The following CPQ variants were observed in gnomAD, a reference collection of about 807,000 sequenced individuals.
The protein encoded by CPQ is Ser-Met dipeptidase.
CPQ carries 37 observed loss-of-function variants against 45.7 expected under a neutral mutation model. The ratio of observed to expected loss-of-function variants is 0.81; its 90% confidence interval spans 0.62 to 1.07. The LOEUF (loss-of-function observed/expected upper bound fraction) is 1.07. Among genes scored for constraint, CPQ ranks in the 50% least tolerant of loss-of-function variants. CPQ has a pLI of 0.00. For missense variants in CPQ, 537 were observed against 572.9 expected, an observed-to-expected ratio of 0.94 and a Z score of 0.64; for synonymous variants, 186 against 205.8, an observed-to-expected ratio of 0.90 and a Z score of 0.82.
At chr8:97,019,846 G>T (rs1398389602) in intron 5 of CPQ, among the ~76,000 whole-genome samples, 8 of 152,042 alleles carry the variant, frequency 5.3e-5, no homozygotes, top group Non-Finnish European at 1.2e-4. Context: ...AGAAACAATG[G>T]ATTTAAACTA....
chr8:96,746,365 T>G (rs1386550068), intron 1 of CPQ, among the ~76,000 whole-genome samples: 1 of 152,228 alleles, frequency 6.6e-6, no homozygotes, highest in African/African-American at 2.4e-5. Context: ...TGGTATTTAG[T>G]AAATAGCCAG....
chr8:96,778,683 C>A (rs1262789624), intron 1 of CPQ, among the ~76,000 whole-genome samples: 1 of 152,044 alleles, frequency 6.6e-6, no homozygotes. Context: ...TAGAATAACA[C>A]TCAGTTTCTG....
At chr8:97,030,576 G>T (rs1400733564) in intron 6 of CPQ, among the ~76,000 whole-genome samples, 1 of 152,080 alleles carries the variant, frequency 6.6e-6, no homozygotes, top group East Asian at 1.9e-4. Context: ...GTGTCCTTTG[G>T]TTGGTAGGTC....
At chr8:97,127,149 G>T (rs1461133731) in intron 7 of CPQ, among the ~76,000 whole-genome samples, 1 of 152,096 alleles carries the variant, frequency 6.6e-6, no homozygotes, top group African/African-American at 2.4e-5. Context: ...ACCATTTAAA[G>T]AAATTGATAA....
chr8:97,110,195 C>T (rs1362522253), intron 7 of CPQ, among the ~76,000 whole-genome samples: 1 of 152,108 alleles, frequency 6.6e-6, no homozygotes, highest in Non-Finnish European at 1.5e-5. Context: ...TTAGTTTTTC[C>T]TGTGCTTGAA....
chr8:96,940,277 A>G (rs532275957), intron 4 of CPQ, among the ~76,000 whole-genome samples: 2 of 152,316 alleles, frequency 1.3e-5, no homozygotes, highest in South Asian at 4.1e-4. Flanking sequence ...TATACAAATC[A>G]TGGTTCATAA....
chr8:96,790,966 G>A (rs1810838483), intron 2 of CPQ, among the ~76,000 whole-genome samples: 1 of 152,106 alleles, frequency 6.6e-6, no homozygotes, highest in Non-Finnish European at 1.5e-5. Flanking sequence ...AGGTATTAGG[G>A]AGCTCCTTAG....
intron 2 of CPQ, among the ~76,000 whole-genome samples, chr8:96,806,660 T>C (rs1317901383): frequency 1.3e-5 from 2 of 152,210 alleles, no homozygotes; most frequent in Non-Finnish European, 2.9e-5. Context: ...TATCATACAA[T>C]TTAAATGATA....
intron 1 of CPQ, among the ~76,000 whole-genome samples, chr8:96,672,837 T>TA (rs768547494): frequency 6.6e-6 from 1 of 152,130 alleles, no homozygotes; most frequent in South Asian, 2.1e-4. Flanking sequence ...GTTGTTTCTT[T>TA]AAAATTTTTT....
At chr8:96,976,800 A>T (rs1418873249) in intron 5 of CPQ, among the ~76,000 whole-genome samples, 1 of 152,202 alleles carries the variant, frequency 6.6e-6, no homozygotes, top group Non-Finnish European at 1.5e-5. Context: ...AGCCACATGT[A>T]GGAGAATGAA....
At chr8:96,866,829 G>A (rs1278980670) in intron 3 of CPQ, among the ~76,000 whole-genome samples, 2 of 152,098 alleles carry the variant, frequency 1.3e-5, no homozygotes, top group Non-Finnish European at 2.9e-5. Context: ...TGATGGATTT[G>A]GAATTATTGC....
At chr8:96,698,065 A>G (rs1162477109) in intron 1 of CPQ, among the ~76,000 whole-genome samples, 1 of 152,072 alleles carries the variant, frequency 6.6e-6, no homozygotes, top group Non-Finnish European at 1.5e-5. Flanking sequence ...GAACAAAAGG[A>G]AAAAAATGAG....
chr8:97,032,053 A>G (rs1809915434), intron 6 of CPQ, among the ~76,000 whole-genome samples: 1 of 152,150 alleles, frequency 6.6e-6, no homozygotes, highest in East Asian at 1.9e-4. Context: ...GGTAAATTAG[A>G]TTGTCTTTAG....
At chr8:97,010,083 G>T (rs1464148606) in intron 5 of CPQ, among the ~76,000 whole-genome samples, 2 of 152,220 alleles carry the variant, frequency 1.3e-5, no homozygotes, top group African/African-American at 4.8e-5. Context: ...CCTGTCCCCT[G>T]CTGTGATGAT....
At chr8:96,854,068 A>C (rs1055532072) in intron 3 of CPQ, among the ~76,000 whole-genome samples, 4 of 152,274 alleles carry the variant, frequency 2.6e-5, no homozygotes, top group Middle Eastern at 3.4e-3. Context: ...GGTTTTGTGG[A>C]CACATCACAT....
intron 1 of CPQ, among the ~76,000 whole-genome samples, chr8:96,758,645 C>T (rs1250693159): frequency 2.6e-5 from 4 of 152,132 alleles, no homozygotes; most frequent in Non-Finnish European, 5.9e-5. Context: ...TTAAGAAGTC[C>T]AACCATTAGT....
chr8:96,841,109 C>G (rs963789659), intron 3 of CPQ, among the ~76,000 whole-genome samples: 1 of 152,008 alleles, frequency 6.6e-6, no homozygotes, highest in African/African-American at 2.4e-5. Flanking sequence ...TCTAAGGATC[C>G]CAGCTTGGGG....
At chr8:96,864,517 G>A (rs149529708) in intron 3 of CPQ, among the ~76,000 whole-genome samples, 2 of 152,138 alleles carry the variant, frequency 1.3e-5, no homozygotes, top group Admixed American at 6.5e-5. Flanking sequence ...ACCTCAGAGA[G>A]CCAATTGGCC....
chr8:96,810,001 T>G (rs1586409561), intron 2 of CPQ, among the ~76,000 whole-genome samples: 2 of 152,132 alleles, frequency 1.3e-5, no homozygotes, highest in African/African-American at 4.8e-5. Context: ...TTGTTATCAT[T>G]TCCTTATGCT....
Sources: allele counts gnomAD v4.1 joint callset (sites outside exome capture counted in the v4.1 genomes callset), GRCh38; gene constraint gnomAD v4.1.1; transcripts MANE v1.5; gene names NCBI Gene and HGNC (gene_info 2026-07-23, HGNC 2026-07-21).